Variants in CSMD3 observed in about 807,000 individuals in gnomAD.
CSMD3 encodes the protein CUB and sushi domain-containing protein 3.
CSMD3 carries 177 observed loss-of-function variants against 435.2 expected under a neutral mutation model. That is an observed-to-expected ratio of 0.41 (90% CI 0.36 to 0.46). The LOEUF is 0.46. Ranked by LOEUF, CSMD3 falls within the 20% of genes least tolerant of loss-of-function variation. CSMD3 has a pLI of 0.34. For synonymous variants in CSMD3, 1,656 were observed against 1,520.5 expected, an observed-to-expected ratio of 1.09 and a Z score of -2.07; for missense variants, 4,265 against 4,504.6, an observed-to-expected ratio of 0.95 and a Z score of 1.52.
intron 37 of CSMD3, among the ~76,000 whole-genome samples, chr8:112,383,120 T>C (rs1208860162): frequency 6.6e-6 from 1 of 152,238 alleles, no homozygotes; most frequent in East Asian, 1.9e-4. Flanking sequence ...TATATAATTT[T>C]ATTCATTTCA....
rs181817678 is a variant in CSMD3, at chr8:112,940,122, A to G, written c.1508+7668T>C. Among the ~76,000 whole-genome samples, 26 of 152,100 alleles carry G rather than the reference A, an allele frequency of 1.7e-4. No individual in the cohort carries two copies. In the East Asian group the frequency reaches 4.8e-3, roughly 28 times the overall value. On this transcript the variant is annotated intron_variant, in intron 9 of 70. Coordinates refer to ENST00000297405, the MANE Select transcript of CSMD3 (RefSeq NM_198123.2). The stretch of plus-strand genomic sequence containing the variant: ...GAAGAATGAGTGAAAATGACTTTAT[A>G]TTCAAAAGTATGGTTGATTTACATT...
At chr8:113,312,168 G>A (rs2093874658) in intron 2 of CSMD3, 1 of 152,072 alleles carries the variant, frequency 6.6e-6, no homozygotes. Flanking sequence ...AAACAAATCT[G>A]AATTGTAATG....
chr8:112,346,823 C>A (rs966396804), intron 40 of CSMD3, among the ~76,000 whole-genome samples: 1 of 151,662 alleles, frequency 6.6e-6, no homozygotes, highest in Non-Finnish European at 1.5e-5. Flanking sequence ...GGACTACAGG[C>A]GCCTGCCACC....
intron 41 of CSMD3, among the ~76,000 whole-genome samples, chr8:112,342,634 T>C (rs564175524): frequency 6.6e-6 from 1 of 152,084 alleles, no homozygotes; most frequent in Non-Finnish European, 1.5e-5. Context: ...CCCAGTAGGC[T>C]TGAACTGCAA....
At position 112,282,858 on chromosome 8, in the gene CSMD3, C is replaced by T. The variant is rs560163816; in HGVS notation, c.9332-1508G>A. ...TTAGGAGAAAAATGATTTATTGTTG[C>T]CTGTGAATAAACCTGCATTTACATT... On this transcript the variant is annotated intron_variant, in intron 58 of 70. Coordinates refer to ENST00000297405, the MANE Select transcript of CSMD3 (RefSeq NM_198123.2). Among the ~76,000 whole-genome samples, 5 of 152,138 alleles carry T rather than the reference C, an allele frequency of 3.3e-5. No homozygotes were observed. The East Asian group carries it at 7.7e-4, about 24-fold the overall frequency.
intron 4 of CSMD3, among the ~76,000 whole-genome samples, chr8:113,160,950 G>T (rs567644175): frequency 6.6e-6 from 1 of 152,060 alleles, no homozygotes; most frequent in African/African-American, 2.4e-5. Context: ...TGCCCTGAAG[G>T]TGCTAAAATT....
intron 13 of CSMD3, among the ~76,000 whole-genome samples, chr8:112,755,504 G>C (rs1268797973): frequency 6.6e-6 from 1 of 151,440 alleles, no homozygotes; most frequent in Non-Finnish European, 1.5e-5. Flanking sequence ...GGACAAGTTT[G>C]CTTCCCCTTC....
At chr8:113,430,244 C>A (rs771191775) in intron 1 of CSMD3, among the ~76,000 whole-genome samples, 1 of 152,078 alleles carries the variant, frequency 6.6e-6, no homozygotes, top group African/African-American at 2.4e-5. Flanking sequence ...AGATAAAGTG[C>A]GAGTTCATAC....
chr8:112,476,689 C>A (rs1819086990), intron 31 of CSMD3, among the ~76,000 whole-genome samples: 1 of 152,030 alleles, frequency 6.6e-6, no homozygotes. Flanking sequence ...GCCTATAGAA[C>A]CCAATAATTT....
intron 31 of CSMD3, among the ~76,000 whole-genome samples, chr8:112,486,017 C>G (rs573906962): frequency 1.3e-5 from 2 of 150,244 alleles, no homozygotes; most frequent in Non-Finnish European, 3.0e-5. Context: ...ACAGAGCTAG[C>G]GCTGGCTAAG....
intron 56 of CSMD3, among the ~76,000 whole-genome samples, chr8:112,289,876 T>C (rs1250865367): frequency 6.6e-6 from 1 of 152,108 alleles, no homozygotes; most frequent in African/African-American, 2.4e-5. Flanking sequence ...TCGAACTGTA[T>C]CTGTTCCTGG....
intron 35 of CSMD3, among the ~76,000 whole-genome samples, chr8:112,392,048 T>G (rs1265371756): frequency 6.6e-6 from 1 of 152,100 alleles, no homozygotes; most frequent in East Asian, 1.9e-4. Flanking sequence ...TAAAAGGCTT[T>G]TGTGAAAAAT....
At chr8:112,494,476 TCTTTTGTTTCTTTCTCTC>T (rs879905195) in intron 30 of CSMD3, among the ~76,000 whole-genome samples, 2,060 of 113,422 alleles carry the variant, frequency 0.018, 91 homozygotes, top group Middle Eastern at 0.1. Context: ...CTCTTTCTTT[TCTTTTGTTTCTTTCTCTC>T]CTTTCTTTCT....
intron 11 of CSMD3, among the ~76,000 whole-genome samples, chr8:112,851,557 A>G: frequency 6.6e-6 from 1 of 152,236 alleles, no homozygotes; most frequent in East Asian, 1.9e-4. Flanking sequence ...TGAGGTCAGG[A>G]CTTCGAGACC....
intron 36 of CSMD3, among the ~76,000 whole-genome samples, chr8:112,388,356 G>A (rs1486280347): frequency 1.3e-5 from 2 of 152,174 alleles, no homozygotes; most frequent in African/African-American, 4.8e-5. Flanking sequence ...GGAATAGACT[G>A]CAGGAGAATA....
At chr8:112,735,161 A>T (rs775113667) in intron 13 of CSMD3, among the ~76,000 whole-genome samples, 1 of 152,066 alleles carries the variant, frequency 6.6e-6, no homozygotes, top group Non-Finnish European at 1.5e-5. Flanking sequence ...ATGTATATTG[A>T]AAGATCTCAA....
Position 112,224,803 on chromosome 8 carries a change from G to C in CSMD3, c.11092C>G (p.Pro3698Ala), listed in dbSNP as rs758783402. 1 of 1,613,996 alleles carries C rather than the reference G, an allele frequency of 6.2e-7. No homozygotes were observed. Among genetic ancestry groups the C allele is most frequent in the Non-Finnish European group, 8.5e-7 (1 of 1,179,898 alleles). ...SVEGKAVRFD[P>A]NLNTVCTMV ...ATTGTGCAAACCGTGTTCAAGTTGG[G>C]ATCAAATCGTACCGCCTTCCCTTCC... Residue 3698 changes from proline (P) to alanine (A), a missense_variant, in exon 71 of 71, where the codon CCC (proline) becomes GCC (alanine). Physicochemically the swap from Pro to Ala is conservative, Grantham distance 27. Coordinates refer to ENST00000297405, the MANE Select transcript of CSMD3 (RefSeq NM_198123.2).
chr8:113,270,212 C>A (rs1374671148), intron 3 of CSMD3, among the ~76,000 whole-genome samples: 1 of 151,686 alleles, frequency 6.6e-6, no homozygotes, highest in Non-Finnish European at 1.5e-5. Context: ...TGAAAAAATG[C>A]TCATCATCAC....
intron 13 of CSMD3, among the ~76,000 whole-genome samples, chr8:112,699,906 C>T (rs1587004735): frequency 6.6e-6 from 1 of 152,012 alleles, no homozygotes; most frequent in African/African-American, 2.4e-5. Context: ...GACATGACAA[C>T]AATGCAATGC....
Sources: gnomAD v4.1 joint callset for allele counts (sites outside exome capture counted in the v4.1 genomes callset) on GRCh38, gnomAD v4.1.1 for gene constraint, MANE v1.5 for transcripts, NCBI Gene and HGNC (gene_info 2026-07-23, HGNC 2026-07-21) for gene names.